The following POLA1 variants were observed in gnomAD, a reference collection of about 807,000 sequenced individuals.
POLA1 encodes DNA polymerase alpha 1, catalytic subunit.
Under a neutral mutation model 124.0 loss-of-function variants are expected in POLA1, and 15 were observed. That is an observed-to-expected ratio of 0.12 (90% confidence interval 0.08 to 0.19). The LOEUF (loss-of-function observed/expected upper bound fraction) is 0.19, where lower values mean the gene tolerates loss of function less well. Ranked by LOEUF, POLA1 falls within the 10% of genes least tolerant of loss-of-function variation. The probability of loss-of-function intolerance (pLI) is 1.00; values close to 1 mark genes in which losing one functional copy is unlikely to be tolerated. For synonymous variants in POLA1, 408 were observed against 389.4 expected, an observed-to-expected ratio of 1.05 and a Z score of -0.56; for missense variants, 886 against 1,103.4, an observed-to-expected ratio of 0.80 and a Z score of 2.79.
intron 26 of POLA1, chrX:24,788,666 G>C (rs2045421339): frequency 8.3e-7 from 1 of 1,197,947 alleles, no homozygotes; most frequent in Non-Finnish European, 1.1e-6. Flanking sequence ...GGCAACAAGT[G>C]CAGGTTTTTT....
intron 14 of POLA1, among the ~76,000 whole-genome samples, chrX:24,727,524 A>G (rs959477882): frequency 2.7e-5 from 3 of 111,593 alleles, no homozygotes; most frequent in Non-Finnish European, 5.6e-5. Flanking sequence ...TTTAAAACCT[A>G]TTTTGGGTCC....
intron 32 of POLA1, among the ~76,000 whole-genome samples, chrX:24,828,556 C>T (rs1278466561): frequency 8.9e-6 from 1 of 111,916 alleles, no homozygotes; most frequent in African/African-American, 3.3e-5. Flanking sequence ...CTGTACTCCC[C>T]CCCGCTCTCC....
intron 36 of POLA1, among the ~76,000 whole-genome samples, chrX:24,950,436 C>T (rs1200741389): frequency 2.7e-5 from 3 of 112,193 alleles, no homozygotes; most frequent in Non-Finnish European, 3.8e-5. Context: ...TATTGGGCAA[C>T]ACAGGACTCC....
In POLA1 at chrX:24,694,012, A is replaced by G. The variant is rs1434942665; in HGVS notation, c.43+8A>G. 1 of 1,176,834 alleles carries G rather than the reference A, an allele frequency of 8.5e-7. No homozygotes were observed. ...GTGAGATAGGGGCGAGTGGTGAGGG[A>G]CAATTCCGCGCGCGGGGCTCCGGGT... is the stretch of plus-strand genomic sequence containing the variant. On this transcript the variant is annotated splice_region_variant and intron_variant, in intron 1 of 36. Coordinates refer to ENST00000379068, the MANE Select transcript of POLA1 (RefSeq NM_001330360.2).
At chrX:24,945,506 C>G (rs192386734) in intron 36 of POLA1, among the ~76,000 whole-genome samples, 14 of 112,288 alleles carry the variant, frequency 1.2e-4, no homozygotes, top group Admixed American at 1.2e-3. Flanking sequence ...GTTTTCTTAT[C>G]TATTGAAATA....
At chrX:24,846,529 TAAAA>T (rs2046479210) in intron 34 of POLA1, among the ~76,000 whole-genome samples, 1 of 111,596 alleles carries the variant, frequency 9.0e-6, no homozygotes, top group Non-Finnish European at 1.9e-5. Context: ...TTGAAAATCA[TAAAA>T]AGGCAGCTTA....
chrX:24,964,448 A>G (rs2048201354), intron 36 of POLA1, among the ~76,000 whole-genome samples: 3 of 112,834 alleles, frequency 2.7e-5, no homozygotes, highest in Non-Finnish European at 5.6e-5. Context: ...AATTGTATAA[A>G]ATGTTATCCT....
chrX:24,971,214 G>A (rs1306260747), intron 36 of POLA1, among the ~76,000 whole-genome samples: 1 of 111,974 alleles, frequency 8.9e-6, no homozygotes, highest in East Asian at 2.8e-4. Flanking sequence ...GGACAGTGTC[G>A]ATGGGTCTGT....
intron 25 of POLA1, 32 bp downstream of exon 25, chrX:24,748,492 A>T (rs781291248): frequency 7.5e-5 from 82 of 1,099,206 alleles, no homozygotes; most frequent in Non-Finnish European, 9.3e-5. Flanking sequence ...CATTTGAGTG[A>T]CAGTCTCAGC....
intron 26 of POLA1, among the ~76,000 whole-genome samples, chrX:24,784,994 ACT>A (rs1438403064): frequency 8.9e-6 from 1 of 112,135 alleles, no homozygotes; most frequent in Non-Finnish European, 1.9e-5. Context: ...GGTCAGTCAT[ACT>A]CTCAGATAAA....
chrX:24,704,304 G>A (rs1270908610), intron 3 of POLA1, 85 bp from the exon 4 acceptor site: 2 of 638,069 alleles, frequency 3.1e-6, no homozygotes, highest in Non-Finnish European at 5.3e-6. Context: ...ATCTGAGCAG[G>A]TATAAAAGGT....
intron 16 of POLA1, among the ~76,000 whole-genome samples, chrX:24,733,235 G>A (rs1036272519): frequency 1.8e-5 from 2 of 111,946 alleles, no homozygotes; most frequent in Non-Finnish European, 3.8e-5. Flanking sequence ...TGGAACACAT[G>A]GAACAAAATG....
intron 22 of POLA1, among the ~76,000 whole-genome samples, 180 bp downstream of exon 22, chrX:24,742,301 T>C (rs1214929859): frequency 2.7e-5 from 3 of 111,912 alleles, no homozygotes; most frequent in Non-Finnish European, 3.8e-5. Flanking sequence ...TTTTCCACTT[T>C]GTAAAAGGAA....
intron 34 of POLA1, among the ~76,000 whole-genome samples, chrX:24,870,055 T>C (rs1194766989): frequency 4.5e-5 from 5 of 112,208 alleles, no homozygotes; most frequent in African/African-American, 1.6e-4. Flanking sequence ...GTGATGTTCC[T>C]GGTATGGGCA....
Position 24,716,402 on chromosome X carries a change from A to G in POLA1, c.566A>G (p.Lys189Arg), listed in dbSNP as rs1394757166. 1 of 1,191,429 alleles carries G rather than the reference A, an allele frequency of 8.4e-7. No homozygotes were observed. The highest frequency in any genetic ancestry group is 1.1e-6 in the Non-Finnish European group (1 of 876,768). ...CCACCACCTGTAATGATACTGAAGA[A>G]GAAAAGATCCATTGGAGCTTCACCG... ...ITPPPVMILK[K>R]KRSIGASPNP... The change falls in exon 7 of 37, where the codon AAG becomes AGG. Residue 189 changes from lysine to arginine, a missense_variant. Coordinates refer to ENST00000379068, the MANE Select transcript of POLA1 (RefSeq NM_001330360.2).
chrX:24,728,739 T>C (rs1442841051), intron 15 of POLA1, among the ~76,000 whole-genome samples: 1 of 112,249 alleles, frequency 8.9e-6, no homozygotes, highest in African/African-American at 3.2e-5. Flanking sequence ...TCCAGCCTGC[T>C]ACCTATTTGT....
At chrX:24,984,654 C>CTTTTTTTT (rs72426448) in intron 36 of POLA1, among the ~76,000 whole-genome samples, 3 of 78,725 alleles carry the variant, frequency 3.8e-5, no homozygotes, top group African/African-American at 5.1e-5. Context: ...ACCTTTTGCA[C>CTTTTTTTT]TTTTTTTTTT....
chrX:24,953,770 CTG>C (rs1180542828), intron 36 of POLA1, among the ~76,000 whole-genome samples: 2 of 112,225 alleles, frequency 1.8e-5, no homozygotes, highest in African/African-American at 6.5e-5. Flanking sequence ...TGGAAGCACT[CTG>C]TGTATTTTCT....
chrX:24,735,341 A>T, intron 17 of POLA1, 58 bp from the exon 18 acceptor site: 1 of 697,047 alleles, frequency 1.4e-6, no homozygotes, highest in Non-Finnish European at 2.3e-6. Flanking sequence ...AGAAGCCAAG[A>T]TACAGTACTT....
Sources: gnomAD v4.1 joint callset for allele counts (sites outside exome capture counted in the v4.1 genomes callset) on GRCh38, gnomAD v4.1.1 for gene constraint, MANE v1.5 for transcripts, NCBI Gene and HGNC (gene_info 2026-07-23, HGNC 2026-07-21) for gene names.